MALRD1: variants seen among roughly 807,000 people sequenced by gnomAD.
The protein encoded by MALRD1 is MAM and LDL receptor class A domain containing 1.
In MALRD1, 247 loss-of-function variants were observed where a neutral mutation model predicts 242.1. The observed-to-expected ratio is 1.02, with a 90% CI of 0.92 to 1.13. The LOEUF (loss-of-function observed/expected upper bound fraction) is 1.13, where lower values mean the gene tolerates loss of function less well. MALRD1 is among the 50% of genes most tolerant of loss of function. The probability of loss-of-function intolerance (pLI) is 0.00; values close to 1 mark genes in which losing one functional copy is unlikely to be tolerated. For missense variants in MALRD1, 2,989 were observed against 2,533.1 expected (o/e 1.18, Z -3.86); for synonymous variants, 995 against 866.6 (o/e 1.15, Z -2.60).
chr10:19,095,883 T>G lies in MALRD1; in HGVS notation c.597+7698T>G, dbSNP rs76695871. On this transcript the variant is annotated intron_variant, in intron 4 of 39. Coordinates refer to ENST00000454679, the MANE Select transcript of MALRD1 (RefSeq NM_001142308.3). ...TTGTGTTTATGGGGATTGAGTCACA[T>G]TGAGTAGACGCTGAAGGATGATCTT... Among the ~76,000 whole-genome samples, 1,050 of 152,264 alleles carry G rather than the reference T, an allele frequency of 6.9e-3. 12 individuals are homozygous for G. Among genetic ancestry groups the G allele is most frequent in the African/African-American group, 0.023 (958 of 41,562 alleles).
intron 21 of MALRD1, among the ~76,000 whole-genome samples, chr10:19,304,253 A>C (rs533727644): frequency 2.3e-4 from 35 of 151,728 alleles, no homozygotes; most frequent in African/African-American, 8.2e-4. Context: ...CATGTTCTCC[A>C]GGTTACACAT....
chr10:19,616,710 T>A (rs1839173797), intron 36 of MALRD1, among the ~76,000 whole-genome samples: 1 of 152,132 alleles, frequency 6.6e-6, no homozygotes, highest in East Asian at 1.9e-4. Flanking sequence ...TTTGAGTCGT[T>A]ATTCCTGTCT....
At chr10:19,676,861 C>G (rs1043704255) in intron 36 of MALRD1, among the ~76,000 whole-genome samples, 9 of 152,242 alleles carry the variant, frequency 5.9e-5, no homozygotes, top group African/African-American at 2.2e-4. Context: ...GTTCCCCTCC[C>G]TGAGTTCATG....
At chr10:19,529,549 G>GC (rs900884807) in intron 31 of MALRD1, among the ~76,000 whole-genome samples, 7 of 147,240 alleles carry the variant, frequency 4.8e-5, no homozygotes, top group Admixed American at 6.8e-5. Context: ...AAACAGGAGG[G>GC]GGGGGGAGAA....
At chr10:19,267,193 A>C (rs748215089) in intron 19 of MALRD1, among the ~76,000 whole-genome samples, 1 of 152,038 alleles carries the variant, frequency 6.6e-6, no homozygotes, top group Admixed American at 6.6e-5. Context: ...AAATTTTCAG[A>C]TATCAGCATG....
chr10:19,289,001 G>T (rs935458890), intron 21 of MALRD1, among the ~76,000 whole-genome samples: 8 of 151,834 alleles, frequency 5.3e-5, no homozygotes, highest in African/African-American at 1.9e-4. Flanking sequence ...CATTGTTTTT[G>T]TTCTATTAAG....
chr10:19,352,300 A>G lies in MALRD1; in HGVS notation c.4441+3A>G, dbSNP rs776956237. On this transcript the variant is annotated splice_donor_region_variant and intron_variant, in intron 26 of 39. Coordinates refer to ENST00000454679, the MANE Select transcript of MALRD1 (RefSeq NM_001142308.3). ...ACTGGCAGTGCCTCTTCCAACAGGT[A>G]CATTCTAATCTGTGTGTGTGTGTGG... 30 of 1,446,790 alleles carry G rather than the reference A, an allele frequency of 2.1e-5. 1 individual carries two copies. The Admixed American group carries it at 2.6e-4, about 13-fold the overall frequency. The allele number at this position is 1,446,790 out of a possible 1,614,324, so 89.6% of individuals were successfully genotyped here. A position where few individuals can be genotyped will look rare whatever the true frequency, so the allele number is the denominator to read the frequency against.
In MALRD1 at chr10:19,165,647, G is replaced by T; in HGVS notation, c.1667G>T (p.Trp556Leu). 8.1e-7 allele frequency: 1 copy of T among 1,231,234 alleles called. No individual in the cohort carries two copies. The highest frequency in any genetic ancestry group is 1.0e-6 in the Non-Finnish European group (1 of 987,690). 76.3% of individuals were successfully genotyped at this position (1,231,234 alleles called of 1,614,324 possible). ...TASTPCQVQF[W>L]YHLSQHSNLS... is the part of the protein sequence containing the mutation. ...ACATGTTTTCAACAGGTGCAGTTTT[G>T]GTATCATTTGTCTCAACATTCAAAT... Residue 556 changes from tryptophan to leucine, a missense_variant, in exon 13 of 40, where the codon TGG becomes TTG. Trp to Leu is a moderately conservative substitution (Grantham distance 61, BLOSUM62 -2). Coordinates refer to ENST00000454679, the MANE Select transcript of MALRD1 (RefSeq NM_001142308.3).
chr10:19,081,697 A>G (rs1281145166), intron 2 of MALRD1, among the ~76,000 whole-genome samples: 1 of 151,986 alleles, frequency 6.6e-6, no homozygotes, highest in Admixed American at 6.6e-5. Context: ...TGATCTGTGC[A>G]GCAAACCACC....
chr10:19,640,633 A>G (rs775696372), intron 36 of MALRD1, among the ~76,000 whole-genome samples: 3 of 152,186 alleles, frequency 2.0e-5, no homozygotes, highest in Non-Finnish European at 2.9e-5. Context: ...GCACTAGACT[A>G]TTTTGGAAAA....
At chr10:19,695,788 T>C (rs10827774) in intron 38 of MALRD1, among the ~76,000 whole-genome samples, 1 of 151,892 alleles carries the variant, frequency 6.6e-6, no homozygotes, top group African/African-American at 2.4e-5. Flanking sequence ...CCTCCCAAAG[T>C]GCTGGGATTA....
In MALRD1 at chr10:19,466,203, G is replaced by T. The variant is rs532472227; in HGVS notation, c.5029+15713G>T. The stretch of plus-strand genomic sequence containing the variant: ...GCTTTCTTGTATTTATTCAGAAGTG[G>T]TCTGTCTTCATTAACTATATTAACC... On this transcript the variant is annotated intron_variant, in intron 29 of 39. Transcript: ENST00000454679. Among the ~76,000 whole-genome samples, 9 of 152,126 alleles carry T rather than the reference G, an allele frequency of 5.9e-5. No individual in the cohort carries two copies. In the South Asian group the frequency reaches 1.9e-3, roughly 32 times the overall value.
chr10:19,641,806 C>T (rs1244463701), intron 36 of MALRD1, among the ~76,000 whole-genome samples: 2 of 151,964 alleles, frequency 1.3e-5, no homozygotes, highest in Non-Finnish European at 2.9e-5. Context: ...AAAATATTTC[C>T]CAGTCACTAG....
intron 28 of MALRD1, among the ~76,000 whole-genome samples, chr10:19,400,805 G>A (rs1050732764): frequency 8.6e-5 from 13 of 152,040 alleles, no homozygotes; most frequent in African/African-American, 3.1e-4. Flanking sequence ...CACTTGAGGT[G>A]AGAAGTTTGA....
chr10:19,483,317 T>C (rs1442400434), intron 29 of MALRD1, among the ~76,000 whole-genome samples: 3 of 151,664 alleles, frequency 2.0e-5, no homozygotes. Context: ...AAATGGAGCC[T>C]AATTAAAGAG....
At chr10:19,353,418 C>T (rs1844484070) in intron 26 of MALRD1, among the ~76,000 whole-genome samples, 2 of 152,170 alleles carry the variant, frequency 1.3e-5, no homozygotes, top group South Asian at 4.1e-4. Context: ...TTATTAAGAG[C>T]AAACTAATTT....
chr10:19,241,513 A>G lies in MALRD1; in HGVS notation c.2992-16171A>G, dbSNP rs1365700055. Reference sequence around the variant, plus strand: ...CAGTTTTACCTTTACACTTTGTTTTATTTATCTTTTGAAATATTTTTTAGT... The same window carrying G: ...CAGTTTTACCTTTACACTTTGTTTTGTTTATCTTTTGAAATATTTTTTAGT... On this transcript the variant is annotated intron_variant, in intron 18 of 39. Coordinates refer to ENST00000454679, the MANE Select transcript of MALRD1 (RefSeq NM_001142308.3). Among the ~76,000 whole-genome samples, 4 of 151,070 alleles carry G rather than the reference A, an allele frequency of 2.6e-5. No individual in the cohort carries two copies. In the East Asian group the frequency reaches 5.8e-4, roughly 22 times the overall value.
chr10:19,116,751 C>G (rs186993808), intron 5 of MALRD1, among the ~76,000 whole-genome samples: 2 of 151,906 alleles, frequency 1.3e-5, no homozygotes, highest in African/African-American at 4.8e-5. Context: ...TTTGAAAACC[C>G]CTAAAATAAT....
chr10:19,399,107 A>G (rs1816694080), intron 28 of MALRD1, among the ~76,000 whole-genome samples: 2 of 152,160 alleles, frequency 1.3e-5, no homozygotes, highest in South Asian at 4.1e-4. Flanking sequence ...AATAAAAGCA[A>G]TATTGTGGCT....
Sources: gnomAD v4.1 joint callset for allele counts (sites outside exome capture counted in the v4.1 genomes callset) on GRCh38, gnomAD v4.1.1 for gene constraint, MANE v1.5 for transcripts, NCBI Gene and HGNC (gene_info 2026-07-23, HGNC 2026-07-21) for gene names.